RABGAP1: variants seen among roughly 807,000 people sequenced by gnomAD.
RABGAP1 encodes the protein rab GTPase-activating protein 1.
Under a neutral mutation model 137.6 loss-of-function variants are expected in RABGAP1, and 23 were observed. The observed-to-expected ratio is 0.17, with a 90% CI of 0.12 to 0.24. RABGAP1 has a LOEUF of 0.24. Ranked by LOEUF, RABGAP1 falls within the 10% of genes least tolerant of loss-of-function variation. The probability of loss-of-function intolerance (pLI) is 1.00; values close to 1 mark genes in which losing one functional copy is unlikely to be tolerated. For missense variants in RABGAP1, 906 were observed against 1,275.8 expected, an observed-to-expected ratio of 0.71 and a Z score of 4.42; for synonymous variants, 451 against 450.7, an observed-to-expected ratio of 1.00 and a Z score of -0.01.
chr9:122,947,829 T>C (rs981904704), intron 1 of RABGAP1, among the ~76,000 whole-genome samples: 12 of 152,184 alleles, frequency 7.9e-5, no homozygotes, highest in African/African-American at 2.7e-4. Flanking sequence ...CTCACTAAAA[T>C]AATTCAAAGA....
Position 122,997,248 on chromosome 9 carries a change from TTTTTTTC to T in RABGAP1, c.1102-9_1102-3del. 2.5e-6 allele frequency: 4 copies of T among 1,587,050 alleles called. No homozygotes were observed. The highest frequency in any genetic ancestry group is 3.4e-6 in the Non-Finnish European group (4 of 1,163,982). On this transcript the variant is annotated splice_region_variant and splice_polypyrimidine_tract_variant and intron_variant, in intron 8 of 25. Transcript: ENST00000373647. ...GTGGCATTCGGGTTTATTTTTACTC[TTTTTTTC>T]TAGGAATCTATGGGCAAAAGTTCAG...
intron 18 of RABGAP1, 103 bp downstream of exon 18, chr9:123,076,389 A>G: frequency 7.6e-7 from 1 of 1,319,840 alleles, no homozygotes; most frequent in South Asian, 1.3e-5. Flanking sequence ...CACTAGCATT[A>G]CCCATGACAG....
the RABGAP1 span, among the ~76,000 whole-genome samples, chr9:122,934,106 C>G: frequency 6.8e-6 from 1 of 147,904 alleles, no homozygotes; most frequent in East Asian, 2.0e-4. Flanking sequence ...GAGACAGAGT[C>G]TCGCTCTGTC....
intron 17 of RABGAP1, 76 bp downstream of exon 17, chr9:123,074,504 C>T (rs2034454467): frequency 2.8e-6 from 4 of 1,416,964 alleles, no homozygotes; most frequent in Non-Finnish European, 3.8e-6. Flanking sequence ...TTTTGAGTGT[C>T]AGCTCTGTCA....
chr9:122,967,598 A>G (rs529484600), intron 2 of RABGAP1, among the ~76,000 whole-genome samples: 1 of 152,194 alleles, frequency 6.6e-6, no homozygotes, highest in African/African-American at 2.4e-5. Flanking sequence ...TCCATTTGAA[A>G]ATTTTCTTGT....
chr9:123,055,835 G>A (rs1238858731), intron 13 of RABGAP1, among the ~76,000 whole-genome samples: 2 of 152,192 alleles, frequency 1.3e-5, no homozygotes, highest in East Asian at 1.9e-4. Flanking sequence ...ACAGGCGTGA[G>A]CCACCGTGCC....
intron 13 of RABGAP1, among the ~76,000 whole-genome samples, chr9:123,041,945 T>C (rs1177914935): frequency 6.6e-6 from 1 of 152,032 alleles, no homozygotes; most frequent in Non-Finnish European, 1.5e-5. Context: ...CCCACCTGAA[T>C]CCCCATCCCA....
At chr9:123,089,654 A>T in intron 19 of RABGAP1, 104 bp from the exon 20 acceptor site, 1 of 827,680 alleles carries the variant, frequency 1.2e-6, no homozygotes, top group Non-Finnish European at 1.9e-6. Flanking sequence ...ATCCATAATG[A>T]CTGAGATTGC....
At chr9:123,074,223 C>T in intron 16 of RABGAP1, 62 bp from the exon 17 acceptor site, 3 of 1,580,598 alleles carry the variant, frequency 1.9e-6, no homozygotes, top group Non-Finnish European at 2.6e-6. Flanking sequence ...GATTTATGAG[C>T]CTCCTTAGTG....
At chr9:122,941,145 C>A (rs1215698074) in intron 1 of RABGAP1, 52 bp downstream of exon 1, 1 of 152,378 alleles carries the variant, frequency 6.6e-6, no homozygotes, top group Non-Finnish European at 1.5e-5. Flanking sequence ...CTACCAACCC[C>A]AGGGGTATTT....
rs149787318 is a variant in RABGAP1, at chr9:123,045,140, TTCTG to T, written c.1795-20204_1795-20201del. 2.0e-3 allele frequency among the ~76,000 whole-genome samples: 305 copies of T among 152,354 alleles called. 8 individuals are homozygous for T. The East Asian group carries it at 0.047, about 24-fold the overall frequency. ...CATATTTTCAAAGTAAAGTTTTAAA[TTCTG>T]TCTATCAGCTTTCAGCAAATACTTA... On this transcript the variant is annotated intron_variant, in intron 13 of 25. Coordinates refer to ENST00000373647, the MANE Select transcript of RABGAP1 (RefSeq NM_012197.4).
chr9:123,100,699 G>A (rs2035320425), intron 24 of RABGAP1, among the ~76,000 whole-genome samples: 1 of 152,170 alleles, frequency 6.6e-6, no homozygotes, highest in East Asian at 1.9e-4. Context: ...GATTACAGCT[G>A]TGAGCCACTG....
chr9:123,035,459 T>C (rs1159505735), intron 13 of RABGAP1: 1 of 1,614,164 alleles, frequency 6.2e-7, no homozygotes, highest in East Asian at 2.2e-5. Context: ...AGTAACAGTT[T>C]CTGCAACTGT....
Position 123,090,286 on chromosome 9 carries a change from G to T in RABGAP1, c.2529G>T (p.Arg843Ser), listed in dbSNP as rs1419322094. The stretch of plus-strand genomic sequence containing the variant: ...TTTCTACCCTTCAGCGGGAGAATAG[G>T]CGTCTACAAGAAGCTAACATGAGGT... The part of the protein sequence containing the change: ...DPIERFEREN[R>S]RLQEANMRLE... Residue 843 changes from arginine (R) to serine (S), a missense_variant, in exon 21 of 26, where the codon AGG (arginine) becomes AGT (serine). Arg to Ser is a moderately radical substitution (Grantham distance 110). Around this residue, in one of 9 missense-constraint regions of RABGAP1, gnomAD observed 77 missense variants for 105.6 expected, o/e 0.73. Transcript: ENST00000373647. 1 of 1,611,814 alleles carries T rather than the reference G, an allele frequency of 6.2e-7. No individual in the cohort carries two copies. The highest frequency in any genetic ancestry group is 2.2e-5 in the East Asian group (1 of 44,856).
chr9:122,957,567 A>G (rs1834594165), intron 2 of RABGAP1, among the ~76,000 whole-genome samples: 1 of 152,092 alleles, frequency 6.6e-6, no homozygotes, highest in African/African-American at 2.4e-5. Context: ...GCTATTTATG[A>G]AAATGTGTTT....
chr9:122,990,769 C>CA (rs869120702), intron 6 of RABGAP1: 5 of 15,912 alleles, frequency 3.1e-4, no homozygotes, highest in East Asian at 4.2e-3. Context: ...AACTCCGTCT[C>CA]AAAAAAAAAA....
chr9:123,067,320 T>C (rs185872018), intron 14 of RABGAP1, among the ~76,000 whole-genome samples: 1 of 152,350 alleles, frequency 6.6e-6, no homozygotes, highest in African/African-American at 2.4e-5. Context: ...GCCAGTATCT[T>C]ACATTGCTGG....
At chr9:122,966,624 G>A (rs973236304) in intron 2 of RABGAP1, among the ~76,000 whole-genome samples, 1 of 152,138 alleles carries the variant, frequency 6.6e-6, no homozygotes, top group Admixed American at 6.5e-5. Flanking sequence ...GGTTCTTAGG[G>A]TACTTCAGTA....
intron 10 of RABGAP1, among the ~76,000 whole-genome samples, chr9:123,003,906 G>T (rs149730585): frequency 1.3e-5 from 2 of 152,076 alleles, no homozygotes; most frequent in Non-Finnish European, 2.9e-5. Flanking sequence ...AAACTATAGG[G>T]GTCTTAAAAT....
Sources: gnomAD v4.1 joint callset for allele counts (sites outside exome capture counted in the v4.1 genomes callset) on GRCh38, gnomAD v4.1.1 for gene constraint, gnomAD v4.1.1 regional missense constraint, MANE v1.5 for transcripts, NCBI Gene and HGNC (gene_info 2026-07-23, HGNC 2026-07-21) for gene names.